The following RASSF6 variants were observed in gnomAD, a reference collection of about 807,000 sequenced individuals.
RASSF6 encodes ras association domain-containing protein 6.
In RASSF6, 52 loss-of-function variants were observed where a neutral mutation model predicts 44.0. The ratio of observed to expected loss-of-function variants is 1.18; its 90% CI spans 0.95 to 1.49. The LOEUF is 1.49. RASSF6 is among the 40% of genes most tolerant of loss of function. The pLI is 0.00. For synonymous variants in RASSF6, 162 were observed against 124.6 expected (o/e 1.30, Z -2.00); for missense variants, 464 against 393.3 (o/e 1.18, Z -1.52).
intron 3 of RASSF6, among the ~76,000 whole-genome samples, chr4:73,596,668 C>CG (rs1724961443): frequency 6.6e-6 from 1 of 152,146 alleles, no homozygotes; most frequent in Non-Finnish European, 1.5e-5. Flanking sequence ...ATAGCCAAGG[C>CG]AATCCTAAGC....
At chr4:73,584,388 T>C (rs1018423454) in intron 6 of RASSF6, among the ~76,000 whole-genome samples, 2 of 152,142 alleles carry the variant, frequency 1.3e-5, no homozygotes, top group African/African-American at 4.8e-5. Context: ...TGAAAAATAT[T>C]TGAGTTCTGG....
intron 2 of RASSF6, among the ~76,000 whole-genome samples, chr4:73,607,575 T>C (rs568199038): frequency 6.6e-6 from 1 of 152,332 alleles, no homozygotes; most frequent in Admixed American, 6.5e-5. Flanking sequence ...ACATGTCAGT[T>C]TGTTTCAGGC....
rs1170600347 is a variant in RASSF6, at chr4:73,572,593, A to G, written c.*3642T>C. ...GTCCAGCCCATTTTCAGGATGAGGA[A>G]GATTAAGCTTCATCTCTTCAAAGGA... On this transcript the variant is annotated 3_prime_UTR_variant, in exon 11 of 11. Coordinates refer to ENST00000307439, the MANE Select transcript of RASSF6 (RefSeq NM_177532.5). The G allele has an allele frequency of 1.3e-5, 2 of 152,204 alleles. No individual in the cohort carries two copies. Among genetic ancestry groups the G allele is most frequent in the African/African-American group, 4.8e-5 (2 of 41,466 alleles). 9.4% of individuals were successfully genotyped at this position (152,204 alleles called of 1,614,324 possible).
Position 73,587,848 on chromosome 4 carries a change from G to A in RASSF6, c.374C>T (p.Ser125Phe). The change falls in exon 5 of 11, where the codon TCC (serine) becomes TTC (phenylalanine). Residue 125 changes from serine to phenylalanine, a missense_variant. Ser to Phe is a radical substitution (Grantham distance 155). Coordinates refer to ENST00000307439, the MANE Select transcript of RASSF6 (RefSeq NM_177532.5). ...AAGATTTTGATACTGACCTTCCTGG[G>A]AATTCCTTTTTTCAGACATAGGAAT... ...TQIPMSEKRNSQEDYLSYHSN... is the reference protein window; with the variant it reads ...TQIPMSEKRNFQEDYLSYHSN... 5.6e-6 allele frequency: 9 copies of A among 1,603,498 alleles called. No individual in the cohort carries two copies. The highest frequency in any genetic ancestry group is 1.7e-4 in the Middle Eastern group (1 of 6,026).
At chr4:73,611,898 T>C in intron 1 of RASSF6, 69 bp from the exon 2 acceptor site, 1 of 1,118,502 alleles carries the variant, frequency 8.9e-7, no homozygotes, top group Non-Finnish European at 1.3e-6. Context: ...TGATTTAAGT[T>C]GAGTGTTTTG....
intron 4 of RASSF6, among the ~76,000 whole-genome samples, chr4:73,589,013 AC>A (rs1244198026): frequency 1.3e-5 from 2 of 152,160 alleles, no homozygotes; most frequent in African/African-American, 4.8e-5. Context: ...ATTGGTGGCA[AC>A]AAAAAATATT....
At chr4:73,578,958 G>T (rs982931187) in intron 8 of RASSF6, among the ~76,000 whole-genome samples, 4 of 151,774 alleles carry the variant, frequency 2.6e-5, no homozygotes, top group African/African-American at 7.3e-5. Flanking sequence ...CCCCCACCAG[G>T]TAATCTATCT....
intron 4 of RASSF6, among the ~76,000 whole-genome samples, chr4:73,590,366 C>T (rs991902945): frequency 5.3e-5 from 8 of 152,184 alleles, no homozygotes; most frequent in East Asian, 1.9e-4. Context: ...ATTTACCCCA[C>T]GTTTACCCAC....
At chr4:73,581,128 A>C (rs1723616827) in intron 8 of RASSF6, among the ~76,000 whole-genome samples, 2 of 152,078 alleles carry the variant, frequency 1.3e-5, no homozygotes. Context: ...AAAATGTATT[A>C]TTTTATTCTA....
chr4:73,615,044 T>C (rs1726260264), intron 1 of RASSF6, among the ~76,000 whole-genome samples: 1 of 151,366 alleles, frequency 6.6e-6, no homozygotes, highest in Non-Finnish European at 1.5e-5. Flanking sequence ...CCGGGTGTGG[T>C]GGAACACACT....
chr4:73,577,297 C>A (rs779959839), intron 8 of RASSF6, among the ~76,000 whole-genome samples: 3 of 152,242 alleles, frequency 2.0e-5, no homozygotes, highest in Non-Finnish European at 4.4e-5. Flanking sequence ...AAGAAAATAT[C>A]TTCCAATCTG....
chr4:73,587,930 T>G lies in RASSF6; in HGVS notation c.292A>C (p.Thr98Pro), dbSNP rs993668275. The change falls in exon 5 of 11, where the codon ACA (threonine) becomes CCA (proline). Residue 98 changes from threonine to proline, a missense_variant. Thr to Pro is a conservative substitution (Grantham distance 38, BLOSUM62 -1). Coordinates refer to ENST00000307439, the MANE Select transcript of RASSF6 (RefSeq NM_177532.5). ...SSDVFSSKGM[T>P]RWGEFDDLYR... ...AGATCGTCAAATTCCCCCCAGCGTG[T>G]CATTCTGAGAAGTAATAAATCTTGT... 6.2e-7 allele frequency: 1 copy of G among 1,601,636 alleles called. No homozygotes were observed.
At chr4:73,593,690 T>A in intron 3 of RASSF6, 97 bp from the exon 4 acceptor site, 15 of 956,392 alleles carry the variant, frequency 1.6e-5, no homozygotes, top group Non-Finnish European at 1.9e-5. Context: ...GTAAGAAACC[T>A]AAATAGATTA....
At chr4:73,577,519 C>A (rs1723315575) in intron 8 of RASSF6, among the ~76,000 whole-genome samples, 1 of 152,170 alleles carries the variant, frequency 6.6e-6, no homozygotes, top group African/African-American at 2.4e-5. Flanking sequence ...GAGAACTGTT[C>A]TCATTCCCTG....
chr4:73,585,165 T>C lies in RASSF6; in HGVS notation c.567+15A>G. 3 of 1,554,826 alleles carry C rather than the reference T, an allele frequency of 1.9e-6. No individual in the cohort carries two copies. Among genetic ancestry groups the C allele is most frequent in the Non-Finnish European group, 1.7e-6 (2 of 1,146,674 alleles). ...CTTATTTTATATTACATTAATGGAA[T>C]TGTAACTCACTTACTTCATGGTTAT... On this transcript the variant is annotated intron_variant, in intron 6 of 10. Transcript: ENST00000307439.
rs763079941 is a variant in RASSF6 at position 73,593,568 on chromosome 4, T to C, written c.170A>G (p.Glu57Gly). The C allele has an allele frequency of 1.2e-6, 2 of 1,613,684 alleles. No individual in the cohort carries two copies. The highest frequency in any genetic ancestry group is 1.7e-6 in the Non-Finnish European group (2 of 1,179,850). ...GETEDGKLIV[E>G]GMLDIFWGVK... ...TCCCCAGAAAATGTCCAGCATTCCT[T>C]CAACAATTAGTTTGCCATCTTCAGT... Residue 57 changes from glutamate (E) to glycine (G), a missense_variant, in exon 4 of 11, where the codon GAA (glutamate) becomes GGA (glycine). Coordinates refer to ENST00000307439, the MANE Select transcript of RASSF6 (RefSeq NM_177532.5).
chr4:73,582,736 G>A (rs1723767865), intron 6 of RASSF6, among the ~76,000 whole-genome samples: 1 of 152,024 alleles, frequency 6.6e-6, no homozygotes, highest in African/African-American at 2.4e-5. Context: ...GGTGGGTTTT[G>A]GGGTGGCTCA....
intron 1 of RASSF6, among the ~76,000 whole-genome samples, chr4:73,614,934 A>G (rs1484349688): frequency 6.6e-6 from 1 of 152,250 alleles, no homozygotes; most frequent in Non-Finnish European, 1.5e-5. Context: ...AAATTGGGTA[A>G]ATAAAATATT....
chr4:73,588,783 G>GTCATCATAA (rs1553902835), intron 4 of RASSF6, among the ~76,000 whole-genome samples: 1 of 148,592 alleles, frequency 6.7e-6, no homozygotes, highest in Non-Finnish European at 1.5e-5. Flanking sequence ...CATCTCCATT[G>GTCATCATAA]TCATCATCAT....
Sources: allele counts gnomAD v4.1 joint callset (sites outside exome capture counted in the v4.1 genomes callset), GRCh38; gene constraint gnomAD v4.1.1; transcripts MANE v1.5; gene names NCBI Gene and HGNC (gene_info 2026-07-23, HGNC 2026-07-21).